SLC22A15: variants seen among roughly 807,000 people sequenced by gnomAD.
SLC22A15 encodes flipt 1.
In SLC22A15, 45 loss-of-function variants were observed where a neutral mutation model predicts 62.7. The observed-to-expected ratio is 0.72, with a 90% confidence interval of 0.56 to 0.92. The LOEUF is 0.92. Among genes scored for constraint, SLC22A15 ranks in the 40% least tolerant of loss-of-function variants. SLC22A15 has a pLI of 0.00. For missense variants in SLC22A15, 622 were observed against 665.6 expected, an observed-to-expected ratio of 0.93 and a Z score of 0.72; for synonymous variants, 264 against 267.0, an observed-to-expected ratio of 0.99 and a Z score of 0.11.
intron 8 of SLC22A15, among the ~76,000 whole-genome samples, chr1:116,042,069 A>G (rs1248326257): frequency 1.4e-5 from 2 of 141,374 alleles, no homozygotes; most frequent in South Asian, 2.4e-4. Context: ...AAGGAACAAT[A>G]AAGTCCAGCA....
chr1:115,996,218 T>C (rs114330174), intron 2 of SLC22A15, among the ~76,000 whole-genome samples: 3,643 of 152,356 alleles, frequency 0.024, 151 homozygotes, highest in African/African-American at 0.084. Context: ...CTTAGTTTTA[T>C]TACTGTAGTT....
Position 116,026,788 on chromosome 1 carries a change from AG to A in SLC22A15, c.599-102del, listed in dbSNP as rs556796441. ...GTGTGCCTCTTATAGTTGCCAGCAT[AG>A]GGCTGACATCTCACCAGGAAGAAAT... On this transcript the variant is annotated intron_variant, in intron 4 of 11. Transcript: ENST00000369503. 291 of 1,379,162 alleles carry A rather than the reference AG, an allele frequency of 2.1e-4. No individual in the cohort carries two copies. The African/African-American group carries it at 3.8e-3, about 18-fold the overall frequency. 85.4% of individuals were successfully genotyped at this position (1,379,162 alleles called of 1,614,324 possible). A position where few individuals can be genotyped will look rare whatever the true frequency, so the allele number is the denominator to read the frequency against.
chr1:116,032,303 A>C (rs1415675858), intron 6 of SLC22A15: 1 of 985,418 alleles, frequency 1.0e-6, no homozygotes, highest in Non-Finnish European at 1.2e-6. Flanking sequence ...GGATGGGTGC[A>C]TACAATTTGT....
chr1:115,994,433 G>A (rs1369524512), intron 2 of SLC22A15, among the ~76,000 whole-genome samples: 3 of 152,304 alleles, frequency 2.0e-5, no homozygotes, highest in East Asian at 3.9e-4. Context: ...TAACTCAGAA[G>A]CCTGTGCTCT....
intron 10 of SLC22A15, 105 bp downstream of exon 10, chr1:116,064,613 T>C: frequency 1.3e-6 from 1 of 781,524 alleles, no homozygotes; most frequent in Non-Finnish European, 2.2e-6. Flanking sequence ...TAAGATCAGC[T>C]GACACAAATG....
chr1:116,033,208 T>A (rs1657488955), intron 6 of SLC22A15, among the ~76,000 whole-genome samples: 1 of 152,236 alleles, frequency 6.6e-6, no homozygotes, highest in Admixed American at 6.5e-5. Context: ...GTGTTAAACA[T>A]CTGTTCCTTT....
rs1402079073 is a variant in SLC22A15, at chr1:116,066,548, T to C, written c.1394T>C (p.Ile465Thr). The change falls in exon 11 of 12, where the codon ATT (isoleucine) becomes ACT (threonine). Residue 465 changes from isoleucine (I) to threonine (T), a missense_variant. Ile to Thr is a moderately conservative substitution (Grantham distance 89, BLOSUM62 -1). Transcript: ENST00000369503. ...LKYVQWSLPF[I>T]VFGATGLTSG... ...TATGTGCAATGGTCTTTACCATTCA[T>C]TGTCTTCGGAGCCACGGGTCTGACC... is the stretch of plus-strand genomic sequence containing the variant. 1 of 1,606,156 alleles carries C rather than the reference T, an allele frequency of 6.2e-7. No homozygotes were observed. The highest frequency in any genetic ancestry group is 8.5e-7 in the Non-Finnish European group (1 of 1,176,222).
chr1:116,064,652 C>A, intron 10 of SLC22A15, 144 bp downstream of exon 10: 1 of 646,044 alleles, frequency 1.5e-6, no homozygotes. Context: ...GATAGTATTC[C>A]GTCAGGGCAG....
chr1:115,983,644 C>A (rs773357255), intron 1 of SLC22A15, among the ~76,000 whole-genome samples: 20 of 152,170 alleles, frequency 1.3e-4, no homozygotes, highest in Non-Finnish European at 2.8e-4. Flanking sequence ...TGGAGCCCAT[C>A]AGAAGTGACT....
At chr1:116,017,451 C>T (rs1300028177) in intron 2 of SLC22A15, 2 of 150,902 alleles carry the variant, frequency 1.3e-5, no homozygotes, top group African/African-American at 4.9e-5. Flanking sequence ...AGCTAATTTA[C>T]CTTGTTAAGA....
Position 115,987,164 on chromosome 1 carries a change from A to AT in SLC22A15, c.88-4848dup, listed in dbSNP as rs1157832035. On this transcript the variant is annotated intron_variant, in intron 1 of 11. Transcript: ENST00000369503. ...TGATCTGGTGTCATAATGTAGATAG[A>AT]TTTTTTTTTTTTTTTTTTTGAGACG... Among the ~76,000 whole-genome samples, 785 of 137,974 alleles carry AT rather than the reference A, an allele frequency of 5.7e-3. 4 individuals are homozygous for AT. Among genetic ancestry groups the AT allele is most frequent in the East Asian group, 0.017 (83 of 4,782 alleles). The allele number at this position is 137,974 out of a possible 152,430, so 90.5% of individuals were successfully genotyped here.
chr1:116,058,135 A>G (rs893978655), intron 8 of SLC22A15, among the ~76,000 whole-genome samples: 4 of 152,102 alleles, frequency 2.6e-5, no homozygotes, highest in African/African-American at 7.2e-5. Flanking sequence ...ATTAAACTAA[A>G]GAGCTTCTAC....
At position 116,068,751 on chromosome 1, in the gene SLC22A15, T is replaced by C. The variant is rs1487713694; in HGVS notation, c.*1643T>C. 1 of 152,124 alleles carries C rather than the reference T, an allele frequency of 6.6e-6. No individual in the cohort carries two copies. Among genetic ancestry groups the C allele is most frequent in the African/African-American group, 2.4e-5 (1 of 41,426 alleles). 9.4% of individuals were successfully genotyped at this position (152,124 alleles called of 1,614,324 possible). ...GCAAATCTGACCCAAACTCCCAAAT[T>C]GTCAAGTCCTGCTTAACTTTCTCTG... On this transcript the variant is annotated 3_prime_UTR_variant, in exon 12 of 12. Coordinates refer to ENST00000369503, the MANE Select transcript of SLC22A15 (RefSeq NM_018420.3).
chr1:116,060,201 C>T (rs184617857), intron 8 of SLC22A15, among the ~76,000 whole-genome samples: 6 of 152,292 alleles, frequency 3.9e-5, no homozygotes, highest in Admixed American at 3.3e-4. Context: ...AAATAATTTT[C>T]TCATAACCAA....
intron 9 of SLC22A15, among the ~76,000 whole-genome samples, chr1:116,063,201 A>G (rs1658423932): frequency 6.6e-6 from 1 of 152,206 alleles, no homozygotes; most frequent in African/African-American, 2.4e-5. Context: ...TCAGTCACCC[A>G]TCCTGCATCA....
chr1:116,056,393 A>G (rs1017384707), intron 8 of SLC22A15, among the ~76,000 whole-genome samples: 1 of 147,970 alleles, frequency 6.8e-6, no homozygotes, highest in African/African-American at 2.5e-5. Context: ...CCACTGCTCA[A>G]TGAAATAAAA....
At chr1:116,050,863 A>G (rs1197420409) in intron 8 of SLC22A15, among the ~76,000 whole-genome samples, 1 of 152,224 alleles carries the variant, frequency 6.6e-6, no homozygotes, top group Non-Finnish European at 1.5e-5. Flanking sequence ...CTGATAAAAG[A>G]ATTCAGCAAA....
At chr1:115,986,016 A>G (rs1168662693) in intron 1 of SLC22A15, among the ~76,000 whole-genome samples, 1 of 148,902 alleles carries the variant, frequency 6.7e-6, no homozygotes, top group Non-Finnish European at 1.5e-5. Context: ...TTTTAAATTT[A>G]TTTTTAAATC....
At chr1:116,059,898 G>A (rs1232748390) in intron 8 of SLC22A15, among the ~76,000 whole-genome samples, 2 of 152,202 alleles carry the variant, frequency 1.3e-5, no homozygotes, top group Non-Finnish European at 2.9e-5. Context: ...AATGATGTCT[G>A]TAGTAGTCGC....
Sources: allele counts gnomAD v4.1 joint callset (sites outside exome capture counted in the v4.1 genomes callset), GRCh38; gene constraint gnomAD v4.1.1; transcripts MANE v1.5; gene names NCBI Gene and HGNC (gene_info 2026-07-23, HGNC 2026-07-21).